Variants in ZFP69B observed in about 807,000 individuals in gnomAD.
ZFP69B encodes ZFP69 zinc finger protein B, also known as zinc finger protein 69 homolog B.
ZFP69B carries 20 observed loss-of-function variants against 19.7 expected under a neutral mutation model. The observed-to-expected ratio is 1.02, with a 90% confidence interval of 0.71 to 1.48. The LOEUF is 1.48. Ranked by LOEUF, ZFP69B falls within the 40% of genes most tolerant of loss-of-function variation. The pLI, the probability that ZFP69B is intolerant of heterozygous loss-of-function variation, is 0.00. For missense variants in ZFP69B, 583 were observed against 632.6 expected (o/e 0.92, Z 0.84); for synonymous variants, 220 against 222.7 (o/e 0.99, Z 0.11).
intron 4 of ZFP69B, among the ~76,000 whole-genome samples, chr1:40,460,800 G>A (rs1557513475): frequency 1.3e-5 from 2 of 152,006 alleles, no homozygotes; most frequent in Non-Finnish European, 2.9e-5. Context: ...GGCCAACATG[G>A]TGAAATCCCA....
Position 40,462,890 on chromosome 1 carries a change from C to T in ZFP69B, c.906C>T (p.Thr302=), listed in dbSNP as rs140502577. Reference sequence around the variant, plus strand: ...TTACTGAACACATGAGAATTCATACCGGGGAGAAACCTTTCAGATGTAAGG... The same window carrying T: ...TTACTGAACACATGAGAATTCATACTGGGGAGAAACCTTTCAGATGTAAGG... The part of the protein sequence containing the change: ...IHLTEHMRIH[T]GEKPFRCKEC... Residue 302 remains threonine, a synonymous_variant, in exon 5 of 5, where the codon ACC becomes ACT. Transcript: ENST00000361584. 125 of 1,613,940 alleles carry T rather than the reference C, an allele frequency of 7.7e-5. No homozygotes were observed. Among genetic ancestry groups the T allele is most frequent in the Middle Eastern group, 3.3e-4 (2 of 6,078 alleles).
intron 4 of ZFP69B, among the ~76,000 whole-genome samples, 199 bp from the exon 5 acceptor site, chr1:40,462,222 C>T (rs1202359210): frequency 2.6e-5 from 4 of 152,054 alleles, no homozygotes; most frequent in African/African-American, 4.8e-5. Context: ...ACCTGGTCCA[C>T]CTTACATACT....
In ZFP69B at chr1:40,463,179, G is replaced by T. The variant is rs368154285; in HGVS notation, c.1195G>T (p.Ala399Ser). ...KPFTCKDCGK[A>S]FFQIRHLRQH... The stretch of plus-strand genomic sequence containing the variant: ...TTTTACATGCAAAGACTGTGGAAAA[G>T]CGTTTTTCCAGATTAGACACCTTAG... Residue 399 changes from alanine to serine, a missense_variant, in exon 5 of 5, where the codon GCG becomes TCG. Ala to Ser is a moderately conservative substitution (Grantham distance 99). Coordinates refer to ENST00000361584, the MANE Select transcript of ZFP69B (RefSeq NM_023070.3). 6.2e-7 allele frequency: 1 copy of T among 1,614,060 alleles called. No individual in the cohort carries two copies. The highest frequency in any genetic ancestry group is 1.3e-5 in the African/African-American group (1 of 74,938).
chr1:40,462,296 C>T, intron 4 of ZFP69B, 125 bp from the exon 5 acceptor site: 1 of 866,178 alleles, frequency 1.2e-6, no homozygotes, highest in Non-Finnish European at 1.7e-6. Context: ...ACGGCAGAAT[C>T]ACATTTGAGG....
chr1:40,463,309 C>G lies in ZFP69B; in HGVS notation c.1325C>G (p.Thr442Ser), dbSNP rs781586261. The part of the protein sequence containing the change: ...TYLTQHQRTH[T>S]GERPYKCKEC... ...CTAACTCAACACCAGAGAACTCATACTGGAGAAAGACCATATAAATGTAAG... is the reference window on the plus strand; with the variant it reads ...CTAACTCAACACCAGAGAACTCATAGTGGAGAAAGACCATATAAATGTAAG... The change falls in exon 5 of 5, where the codon ACT becomes AGT. Residue 442 changes from threonine (T) to serine (S), a missense_variant. Physicochemically the swap from Thr to Ser is moderately conservative, Grantham distance 58. Coordinates refer to ENST00000361584, the MANE Select transcript of ZFP69B (RefSeq NM_023070.3). 2 of 1,614,112 alleles carry G rather than the reference C, an allele frequency of 1.2e-6. No homozygotes were observed. Among genetic ancestry groups the G allele is most frequent in the East Asian group, 4.5e-5 (2 of 44,870 alleles).
At chr1:40,452,718 T>A (rs926601727) in intron 1 of ZFP69B, among the ~76,000 whole-genome samples, 1 of 152,222 alleles carries the variant, frequency 6.6e-6, no homozygotes, top group Non-Finnish European at 1.5e-5. Context: ...ACTATGGAAT[T>A]ATTGTTAATT....
chr1:40,460,615 C>T lies in ZFP69B; in HGVS notation c.437-1806C>T, dbSNP rs146708944. 4.1e-3 allele frequency among the ~76,000 whole-genome samples: 626 copies of T among 152,198 alleles called. 21 individuals carry two copies. The East Asian group carries it at 0.091, about 22-fold the overall frequency. On this transcript the variant is annotated intron_variant, in intron 4 of 4. Coordinates refer to ENST00000361584, the MANE Select transcript of ZFP69B (RefSeq NM_023070.3). ...ATCTCAGCACTTTTGGAGGCCGAGG[C>T]GGGCAGATCACTTGAGGTCAGGAGT... is the stretch of plus-strand genomic sequence containing the variant.
chr1:40,455,297 C>T (rs1292512261), intron 2 of ZFP69B, among the ~76,000 whole-genome samples: 2 of 152,132 alleles, frequency 1.3e-5, no homozygotes, highest in Non-Finnish European at 2.9e-5. Context: ...GTCAGAGAAA[C>T]ATAAGAGGGT....
At position 40,462,956 on chromosome 1, in the gene ZFP69B, G is replaced by A. The variant is rs758201525; in HGVS notation, c.972G>A (p.Pro324=). 23 of 1,613,834 alleles carry A rather than the reference G, an allele frequency of 1.4e-5. No homozygotes were observed. Among genetic ancestry groups the A allele is most frequent in the Non-Finnish European group, 1.7e-5 (20 of 1,179,986 alleles). ...TTAGCCAAAGTTCATCTCTTATTCC[G>A]CATCAGAGAATTCATACTGGTGAGA... The part of the protein sequence containing the change: ...KAFSQSSSLI[P]HQRIHTGEKP... Residue 324 remains proline (P), a synonymous_variant, in exon 5 of 5, where the codon CCG becomes CCA. Transcript: ENST00000361584.
At position 40,458,716 on chromosome 1, in the gene ZFP69B, C is replaced by T. The variant is rs144579960; in HGVS notation, c.436+1277C>T. ...TGTATTTTTAGTAGAGACGGGGTTTCGCTATGTTGGCCAGGCTGGTCTCGA... is the reference window on the plus strand; with the variant it reads ...TGTATTTTTAGTAGAGACGGGGTTTTGCTATGTTGGCCAGGCTGGTCTCGA... On this transcript the variant is annotated intron_variant, in intron 4 of 4. Coordinates refer to ENST00000361584, the MANE Select transcript of ZFP69B (RefSeq NM_023070.3). Among the ~76,000 whole-genome samples the T allele has an allele frequency of 6.4e-3, 980 of 152,080 alleles. 10 individuals are homozygous for T. Among genetic ancestry groups the T allele is most frequent in the African/African-American group, 0.021 (886 of 41,478 alleles).
chr1:40,455,944 T>G (rs1645228867), intron 2 of ZFP69B, among the ~76,000 whole-genome samples: 1 of 152,216 alleles, frequency 6.6e-6, no homozygotes, highest in African/African-American at 2.4e-5. Context: ...ACTCATCCCT[T>G]TTTATGGCTG....
Position 40,463,120 on chromosome 1 carries a change from TC to T in ZFP69B, c.1138del (p.Gln380SerfsTer3), listed in dbSNP as rs1645307307. 6.2e-7 allele frequency: 1 copy of T among 1,614,168 alleles called. No individual in the cohort carries two copies. Among genetic ancestry groups the T allele is most frequent in the Non-Finnish European group, 8.5e-7 (1 of 1,180,016 alleles). On this transcript the variant is annotated frameshift_variant, in exon 5 of 5. Coordinates refer to ENST00000361584, the MANE Select transcript of ZFP69B (RefSeq NM_023070.3). LOFTEE classifies it low-confidence loss of function (END_TRUNC). ...GCCTTCAGCCAGAGCATTGGACTGA[TC>T]CAGCATTTGAGAACTCATGTTAGAG... ...EKAFSQSIGL[I>X]QHLRTHVREK...
intron 2 of ZFP69B, among the ~76,000 whole-genome samples, chr1:40,455,681 A>G (rs892380694): frequency 2.6e-5 from 4 of 152,104 alleles, no homozygotes; most frequent in Non-Finnish European, 4.4e-5. Context: ...ATAGGTATAC[A>G]TGTGCCATGG....
intron 4 of ZFP69B, 124 bp downstream of exon 4, chr1:40,457,563 T>C: frequency 1.4e-6 from 1 of 715,738 alleles, no homozygotes; most frequent in South Asian, 1.9e-5. Context: ...GATTCTGTTA[T>C]CTCTGTCACC....
In ZFP69B at chr1:40,457,454, G is replaced by A. The variant is rs375386509; in HGVS notation, c.436+15G>A. On this transcript the variant is annotated intron_variant, in intron 4 of 4. Transcript: ENST00000361584. ...TCCAAGTTCAGGTAAGTGCAAGGCA[G>A]GTGGGGCCTTTGTGATGTTAGCCAG... 2.5e-6 allele frequency: 4 copies of A among 1,609,194 alleles called. No homozygotes were observed. In the African/African-American group the frequency reaches 4.0e-5, roughly 16 times the overall value.
At chr1:40,454,806 G>A (rs764490458) in intron 2 of ZFP69B, among the ~76,000 whole-genome samples, 1 of 152,146 alleles carries the variant, frequency 6.6e-6, no homozygotes, top group Non-Finnish European at 1.5e-5. Flanking sequence ...TCTTGTTTTT[G>A]CAAACCTCTA....
Position 40,457,419 on chromosome 1 carries a change from T to G in ZFP69B, c.416T>G (p.Ile139Ser). 3 of 1,614,164 alleles carry G rather than the reference T, an allele frequency of 1.9e-6. No individual in the cohort carries two copies. Among genetic ancestry groups the G allele is most frequent in the Non-Finnish European group, 2.5e-6 (3 of 1,180,010 alleles). ...GEEPWLMERD[I>S]SGVPSSDLKS... ...GAACCATGGCTGATGGAGAGAGATA[T>G]TTCAGGAGTTCCAAGTTCAGGTAAG... Residue 139 changes from isoleucine to serine, a missense_variant, in exon 4 of 5, where the codon ATT (isoleucine) becomes AGT (serine). Ile to Ser is a moderately radical substitution (Grantham distance 142). Coordinates refer to ENST00000361584, the MANE Select transcript of ZFP69B (RefSeq NM_023070.3).
chr1:40,463,305 C>G lies in ZFP69B; in HGVS notation c.1321C>G (p.His441Asp). ...ATACCTAACTCAACACCAGAGAACT[C>G]ATACTGGAGAAAGACCATATAAATG... ...STYLTQHQRT[H>D]TGERPYKCKE... The change falls in exon 5 of 5, where the codon CAT (histidine) becomes GAT (aspartate). Residue 441 changes from histidine to aspartate, a missense_variant. His to Asp is a moderately conservative substitution (Grantham distance 81, BLOSUM62 -1). Transcript: ENST00000361584. 6.2e-7 allele frequency: 1 copy of G among 1,614,116 alleles called. No homozygotes were observed. Among genetic ancestry groups the G allele is most frequent in the Non-Finnish European group, 8.5e-7 (1 of 1,180,016 alleles).
At chr1:40,457,103 T>C in intron 3 of ZFP69B, 32 bp downstream of exon 3, 1 of 1,582,628 alleles carries the variant, frequency 6.3e-7, no homozygotes, top group Non-Finnish European at 8.6e-7. Context: ...AAATAGAACG[T>C]ACCTATTGGA....
Sources: allele counts gnomAD v4.1 joint callset (sites outside exome capture counted in the v4.1 genomes callset), GRCh38; gene constraint gnomAD v4.1.1; transcripts MANE v1.5; gene names NCBI Gene and HGNC (gene_info 2026-07-23, HGNC 2026-07-21).